FRMD4B: variants seen among roughly 807,000 people sequenced by gnomAD.
FRMD4B encodes FERM domain containing 4B.
FRMD4B carries 74 observed loss-of-function variants against 141.5 expected under a neutral mutation model. That is an observed-to-expected ratio of 0.52 (90% CI 0.43 to 0.63). FRMD4B has a LOEUF of 0.63. Among genes scored for constraint, FRMD4B ranks in the 30% least tolerant of loss-of-function variants. The pLI, the probability that FRMD4B is intolerant of heterozygous loss-of-function variation, is 0.00. For synonymous variants in FRMD4B, 506 were observed against 467.9 expected (o/e 1.08, Z -1.05); for missense variants, 1,366 against 1,253.4 (o/e 1.09, Z -1.36).
At chr3:69,500,275 A>G (rs182529941) in intron 1 of FRMD4B, among the ~76,000 whole-genome samples, 2 of 152,324 alleles carry the variant, frequency 1.3e-5, no homozygotes, top group African/African-American at 4.8e-5. Flanking sequence ...CAGAACTCTC[A>G]TCGGGACTTA....
intron 1 of FRMD4B, among the ~76,000 whole-genome samples, chr3:69,537,762 A>G (rs1701109940): frequency 6.6e-6 from 1 of 152,370 alleles, no homozygotes; most frequent in Non-Finnish European, 1.5e-5. Flanking sequence ...CCTGAATACA[A>G]TTCAGCTCAT....
At chr3:69,258,389 T>G (rs1039475336) in intron 5 of FRMD4B, among the ~76,000 whole-genome samples, 1 of 152,214 alleles carries the variant, frequency 6.6e-6, no homozygotes, top group African/African-American at 2.4e-5. Flanking sequence ...CAGAACAAGA[T>G]AGCAAAATCA....
At chr3:69,517,297 C>G (rs1292376524) in intron 1 of FRMD4B, among the ~76,000 whole-genome samples, 1 of 152,164 alleles carries the variant, frequency 6.6e-6, no homozygotes, top group Non-Finnish European at 1.5e-5. Context: ...ATACTCCCTT[C>G]ATTCCACTTT....
intron 1 of FRMD4B, among the ~76,000 whole-genome samples, chr3:69,380,328 G>GT (rs1256870532): frequency 6.6e-6 from 1 of 152,134 alleles, no homozygotes; most frequent in African/African-American, 2.4e-5. Flanking sequence ...AAATGGGAAT[G>GT]TAGTCTCACC....
rs759870090 is a variant in FRMD4B, at chr3:69,182,626, G to C, written c.2011C>G (p.Arg671Gly). ...RSMPTTPVLT[R>G]NAYSSSHLEP... ...AAGTGGCTGCTGCTGTAGGCGTTTC[G>C]GGTAAGAACTGGCGTGGTGGGCATG... The change falls in exon 20 of 23, where the codon CGA (arginine) becomes GGA (glycine). Residue 671 changes from arginine (R) to glycine (G), a missense_variant. Physicochemically the swap from Arg to Gly is moderately radical, Grantham distance 125 (BLOSUM62 -2). Transcript: ENST00000398540. 4.3e-6 allele frequency: 7 copies of C among 1,612,992 alleles called. No individual in the cohort carries two copies. Among genetic ancestry groups the C allele is most frequent in the African/African-American group, 1.3e-5 (1 of 74,912 alleles).
chr3:69,357,117 C>T (rs1280014409), intron 1 of FRMD4B, among the ~76,000 whole-genome samples: 2 of 152,024 alleles, frequency 1.3e-5, no homozygotes, highest in African/African-American at 4.8e-5. Context: ...GGTGCAAAGA[C>T]GGGACAAGGG....
intron 1 of FRMD4B, among the ~76,000 whole-genome samples, chr3:69,489,407 A>ATAT (rs1461337116): frequency 1.3e-5 from 2 of 151,854 alleles, no homozygotes; most frequent in Admixed American, 6.6e-5. Context: ...TAAATGAGCC[A>ATAT]ATCTAAAAAT....
At chr3:69,319,393 T>A (rs1043797856) in intron 1 of FRMD4B, among the ~76,000 whole-genome samples, 1 of 152,186 alleles carries the variant, frequency 6.6e-6, no homozygotes, top group Non-Finnish European at 1.5e-5. Flanking sequence ...TTTTCTGTAA[T>A]CTATATATTT....
intron 1 of FRMD4B, among the ~76,000 whole-genome samples, chr3:69,351,294 T>G (rs1703141345): frequency 6.6e-6 from 1 of 152,220 alleles, no homozygotes; most frequent in South Asian, 2.1e-4. Flanking sequence ...AAAAAAGTCT[T>G]AATTGGAGCT....
chr3:69,541,147 G>T (rs1318701202), intron 1 of FRMD4B: 1 of 148,224 alleles, frequency 6.7e-6, no homozygotes, highest in Non-Finnish European at 1.5e-5. Flanking sequence ...TTTCTGGGGC[G>T]ACATTACCTA....
chr3:69,178,965 G>A (rs893557499), intron 21 of FRMD4B, among the ~76,000 whole-genome samples: 2 of 151,668 alleles, frequency 1.3e-5, no homozygotes, highest in African/African-American at 4.8e-5. Context: ...AGATCCTTCA[G>A]GTGGCTGGAA....
At chr3:69,358,404 C>G (rs145052256) in intron 1 of FRMD4B, among the ~76,000 whole-genome samples, 1 of 152,286 alleles carries the variant, frequency 6.6e-6, no homozygotes, top group Non-Finnish European at 1.5e-5. Context: ...CCCACTAAAA[C>G]TCATGTTAAA....
chr3:69,213,197 T>C lies in FRMD4B; in HGVS notation c.876+3066A>G, dbSNP rs77361451. On this transcript the variant is annotated intron_variant, in intron 11 of 22. Coordinates refer to ENST00000398540, the MANE Select transcript of FRMD4B (RefSeq NM_015123.3). ...TAGATTTCTCTGTCTTTGTAAATGC[T>C]TAGAATATACACTGACAAAATCTAA... Among the ~76,000 whole-genome samples, 1,440 of 152,282 alleles carry C rather than the reference T, an allele frequency of 9.5e-3. 24 individuals are homozygous for C. The highest frequency in any genetic ancestry group is 0.015 in the Non-Finnish European group (1,026 of 68,018).
chr3:69,201,008 G>C, intron 11 of FRMD4B: 1 of 317,202 alleles, frequency 3.2e-6, no homozygotes, highest in Admixed American at 3.8e-5. Context: ...CCTGCATTGA[G>C]AGCAAATACG....
chr3:69,369,859 T>C (rs1703775727), intron 1 of FRMD4B, among the ~76,000 whole-genome samples: 1 of 146,358 alleles, frequency 6.8e-6, no homozygotes, highest in South Asian at 2.2e-4. Context: ...TACTTTCTCC[T>C]GAGAAACATT....
chr3:69,253,649 C>T (rs1241979359), intron 5 of FRMD4B, among the ~76,000 whole-genome samples: 2 of 151,986 alleles, frequency 1.3e-5, no homozygotes, highest in Non-Finnish European at 2.9e-5. Context: ...AAGCCTACTG[C>T]TAATTATCTA....
chr3:69,416,445 T>C (rs548386931), intron 2 of FRMD4B, among the ~76,000 whole-genome samples: 52 of 152,296 alleles, frequency 3.4e-4, no homozygotes, highest in Non-Finnish European at 6.3e-4. Context: ...TGCACCCAGC[T>C]GAGAATATAA....
chr3:69,199,499 C>A (rs998825372), intron 11 of FRMD4B, among the ~76,000 whole-genome samples: 3 of 152,152 alleles, frequency 2.0e-5, no homozygotes, highest in African/African-American at 7.2e-5. Flanking sequence ...CAAAAGAATA[C>A]AAAGTGAAAG....
chr3:69,481,732 G>A (rs1706128268), intron 1 of FRMD4B, among the ~76,000 whole-genome samples: 1 of 152,126 alleles, frequency 6.6e-6, no homozygotes, highest in South Asian at 2.1e-4. Flanking sequence ...CCTGGAGAAT[G>A]AAAATCTCAA....
Sources: gnomAD v4.1 joint callset for allele counts (sites outside exome capture counted in the v4.1 genomes callset) on GRCh38, gnomAD v4.1.1 for gene constraint, MANE v1.5 for transcripts, NCBI Gene and HGNC (gene_info 2026-07-23, HGNC 2026-07-21) for gene names.